Variants in CFAP54 observed in about 807,000 individuals in gnomAD.
CFAP54 encodes the protein cilia- and flagella-associated protein 54.
CFAP54 carries 290 observed loss-of-function variants against 370.4 expected under a neutral mutation model. The observed-to-expected ratio is 0.78, with a 90% CI of 0.71 to 0.86. CFAP54 has a LOEUF of 0.86. Ranked by LOEUF, CFAP54 falls within the 40% of genes least tolerant of loss-of-function variation. The probability of loss-of-function intolerance (pLI) is 0.00; values close to 1 mark genes in which losing one functional copy is unlikely to be tolerated. For synonymous variants in CFAP54, 1,206 were observed against 1,236.5 expected (o/e 0.98, Z 0.52); for missense variants, 3,399 against 3,528.7 (o/e 0.96, Z 0.93).
chr12:96,797,229 T>C (rs1320279978), intron 63 of CFAP54, among the ~76,000 whole-genome samples: 2 of 150,384 alleles, frequency 1.3e-5, no homozygotes, highest in Non-Finnish European at 1.5e-5. Flanking sequence ...TGAAACTCGA[T>C]TTTTTTTTTC....
rs759739205 is a variant in CFAP54 at position 96,684,782 on chromosome 12, G to C, written c.5804+47G>C. 3 of 1,465,268 alleles carry C rather than the reference G, an allele frequency of 2.0e-6. No individual in the cohort carries two copies. In the Admixed American group the frequency reaches 6.4e-5, roughly 31 times the overall value. The allele number at this position is 1,465,268 out of a possible 1,614,324, so 90.8% of individuals were successfully genotyped here. A position where few individuals can be genotyped will look rare whatever the true frequency, so the allele number is the denominator to read the frequency against. ...GAACAAGGGCAAAGGTTTTTTATTT[G>C]CTTGTTTGAAGAAGTTTTTAATGAA... On this transcript the variant is annotated intron_variant, in intron 41 of 67. Transcript: ENST00000524981.
At chr12:96,522,970 C>T (rs1158425072) in intron 8 of CFAP54, among the ~76,000 whole-genome samples, 1 of 152,236 alleles carries the variant, frequency 6.6e-6, no homozygotes, top group Admixed American at 6.5e-5. Flanking sequence ...GGCAAAGTTA[C>T]ACCTGTGGGG....
intron 55 of CFAP54, among the ~76,000 whole-genome samples, chr12:96,753,456 T>C (rs146408987): frequency 9.2e-5 from 14 of 152,290 alleles, no homozygotes; most frequent in East Asian, 1.9e-4. Flanking sequence ...CTGTAGAGCA[T>C]TGTGAATTTT....
At chr12:96,867,434 C>T (rs1265846016) in intron 67 of CFAP54, among the ~76,000 whole-genome samples, 1 of 152,166 alleles carries the variant, frequency 6.6e-6, no homozygotes, top group Non-Finnish European at 1.5e-5. Flanking sequence ...ATCAACATGT[C>T]TAAGAGATAT....
Position 96,580,688 on chromosome 12 carries a change from C to T in CFAP54, c.2888C>T (p.Ala963Val), listed in dbSNP as rs971001596. Residue 963 changes from alanine to valine, a missense_variant and splice_region_variant, in exon 21 of 68, where the codon GCG becomes GTG. By Grantham distance (64) the Ala-to-Val change is moderately conservative. Around this residue, in one of 3 missense-constraint regions of CFAP54, gnomAD observed 2,796 missense variants for 2,869.7 expected, o/e 0.97. Coordinates refer to ENST00000524981, the MANE Select transcript of CFAP54 (RefSeq NM_001306084.2). ...AATCATCTCCCAAATTCAGGAGAAG[C>T]GGTACGTCAAATTAAACATCAGGAA... ...NNNHLPNSGE[A>V]IPADGKSVFE... The T allele has an allele frequency of 4.8e-5, 72 of 1,494,306 alleles. No individual in the cohort carries two copies. Among genetic ancestry groups the T allele is most frequent in the Non-Finnish European group, 5.8e-5 (65 of 1,116,272 alleles). 92.6% of individuals were successfully genotyped at this position (1,494,306 alleles called of 1,614,324 possible).
intron 25 of CFAP54, among the ~76,000 whole-genome samples, chr12:96,596,723 G>C (rs1004372608): frequency 6.6e-6 from 1 of 151,852 alleles, no homozygotes; most frequent in African/African-American, 2.4e-5. Context: ...TAACAAAAAG[G>C]ACTATAACAA....
intron 30 of CFAP54, among the ~76,000 whole-genome samples, chr12:96,628,814 T>G (rs1956572629): frequency 6.6e-6 from 1 of 152,160 alleles, no homozygotes; most frequent in African/African-American, 2.4e-5. Flanking sequence ...TACCCCGTCT[T>G]GTCATTAGCC....
At chr12:96,815,302 C>A (rs957221402) in intron 64 of CFAP54, among the ~76,000 whole-genome samples, 6 of 152,000 alleles carry the variant, frequency 3.9e-5, no homozygotes, top group African/African-American at 7.3e-5. Context: ...TCTCTAATGA[C>A]CAGTGATGAT....
At chr12:96,538,981 C>A (rs934935239) in intron 13 of CFAP54, among the ~76,000 whole-genome samples, 2 of 150,648 alleles carry the variant, frequency 1.3e-5, no homozygotes, top group South Asian at 4.2e-4. Flanking sequence ...CACAAACTCC[C>A]AGGTTCAAGC....
At chr12:96,834,394 G>T (rs1245125378) in intron 66 of CFAP54, among the ~76,000 whole-genome samples, 1 of 152,252 alleles carries the variant, frequency 6.6e-6, no homozygotes, top group African/African-American at 2.4e-5. Context: ...CTTGGCTCAC[G>T]CTACTGACCT....
chr12:96,835,378 A>C (rs927039903), intron 66 of CFAP54, among the ~76,000 whole-genome samples: 2 of 152,088 alleles, frequency 1.3e-5, no homozygotes, highest in African/African-American at 2.4e-5. Context: ...CAGTTGGTCC[A>C]TAGGTGGCCA....
At chr12:96,874,450 G>A (rs535022364) in intron 67 of CFAP54, among the ~76,000 whole-genome samples, 17 of 152,080 alleles carry the variant, frequency 1.1e-4, no homozygotes, top group African/African-American at 3.9e-4. Context: ...TGTAAGGTAG[G>A]AACAAGGAAA....
chr12:96,779,288 G>C lies in CFAP54; in HGVS notation c.8282-5429G>C, dbSNP rs1253542606. 2.0e-5 allele frequency among the ~76,000 whole-genome samples: 3 copies of C among 151,892 alleles called. No individual in the cohort carries two copies. The East Asian group carries it at 5.8e-4, about 29-fold the overall frequency. The stretch of plus-strand genomic sequence containing the variant: ...TTTTCCTTCTGATTTGTAACAGATA[G>C]TTTGGCCAGCTTTTGAATTTTGTGT... On this transcript the variant is annotated intron_variant, in intron 60 of 67. Transcript: ENST00000524981.
intron 66 of CFAP54, among the ~76,000 whole-genome samples, chr12:96,853,001 T>A (rs1473675573): frequency 1.3e-5 from 2 of 152,078 alleles, no homozygotes; most frequent in African/African-American, 4.8e-5. Flanking sequence ...CTGGAGCTGG[T>A]GGAAAATATA....
intron 19 of CFAP54, among the ~76,000 whole-genome samples, chr12:96,568,651 C>G (rs12582851): frequency 1.3e-5 from 2 of 152,044 alleles, no homozygotes; most frequent in African/African-American, 4.8e-5. Context: ...GATCTTGTAA[C>G]AAAATTATCC....
chr12:96,787,004 C>A, intron 62 of CFAP54, 106 bp downstream of exon 62: 1 of 862,328 alleles, frequency 1.2e-6, no homozygotes, highest in Non-Finnish European at 1.7e-6. Context: ...ATTTCTACTT[C>A]TCTCAGAGTT....
Position 96,663,986 on chromosome 12 carries a change from T to C in CFAP54, c.5563+54T>C. 6.0e-6 allele frequency: 8 copies of C among 1,330,184 alleles called. No homozygotes were observed. The South Asian group carries it at 8.6e-5, about 14-fold the overall frequency. The allele number at this position is 1,330,184 out of a possible 1,614,324, so 82.4% of individuals were successfully genotyped here. The stretch of plus-strand genomic sequence containing the variant: ...GTTTTCTCTAAATCGAGGTTTGCCA[T>C]TGTGTTCTGCATGTCAAACCTTCCA... On this transcript the variant is annotated intron_variant, in intron 39 of 67. Coordinates refer to ENST00000524981, the MANE Select transcript of CFAP54 (RefSeq NM_001306084.2).
intron 66 of CFAP54, among the ~76,000 whole-genome samples, chr12:96,829,690 A>G (rs1959164960): frequency 3.3e-5 from 5 of 151,772 alleles, no homozygotes; most frequent in Admixed American, 3.3e-4. Context: ...AAAAAAGTAT[A>G]CGTACATTTT....
In CFAP54 at chr12:96,489,577, A is replaced by G. The variant is rs561719449; in HGVS notation, c.-33A>G. On this transcript the variant is annotated 5_prime_UTR_variant, in exon 1 of 68. Transcript: ENST00000524981. The stretch of plus-strand genomic sequence containing the variant: ...AGACCGTCGCCAGGCAACCGCGTGT[A>G]CACATACTCCAGGCGGGCCGGGGCG... The G allele has an allele frequency of 7.4e-6, 11 of 1,481,806 alleles. No individual in the cohort carries two copies. The highest frequency in any genetic ancestry group is 2.5e-5 in the East Asian group (1 of 40,242). The allele number at this position is 1,481,806 out of a possible 1,614,324, so 91.8% of individuals were successfully genotyped here. A position where few individuals can be genotyped will look rare whatever the true frequency, so the allele number is the denominator to read the frequency against.
Sources: gnomAD v4.1 joint callset for allele counts (sites outside exome capture counted in the v4.1 genomes callset) on GRCh38, gnomAD v4.1.1 for gene constraint, gnomAD v4.1.1 regional missense constraint, MANE v1.5 for transcripts, NCBI Gene and HGNC (gene_info 2026-07-23, HGNC 2026-07-21) for gene names.